TSC2: variants seen among roughly 807,000 people sequenced by gnomAD.
TSC2 encodes TSC complex subunit 2, also known as tuberin.
In TSC2, 29 loss-of-function variants were observed where a neutral mutation model predicts 202.2. That is an observed-to-expected ratio of 0.14 (90% CI 0.11 to 0.20). The LOEUF (loss-of-function observed/expected upper bound fraction) is 0.20, where lower values mean the gene tolerates loss of function less well. TSC2 is among the 10% of genes least tolerant of loss of function. The pLI, the probability that TSC2 is intolerant of heterozygous loss-of-function variation, is 1.00. For missense variants in TSC2, 2,429 were observed against 2,420.0 expected (o/e 1.00, Z -0.08); for synonymous variants, 1,349 against 1,044.0 (o/e 1.29, Z -5.63).
Position 2,060,652 on chromosome 16 carries a change from G to A in TSC2, c.976-18G>A, listed in dbSNP as rs2151133746. 1 of 1,613,910 alleles carries A rather than the reference G, an allele frequency of 6.2e-7. No individual in the cohort carries two copies. Among genetic ancestry groups the A allele is most frequent in the Non-Finnish European group, 8.5e-7 (1 of 1,179,984 alleles). On this transcript the variant is annotated intron_variant, in intron 10 of 41. Transcript: ENST00000219476. The stretch of plus-strand genomic sequence containing the variant: ...CAAGCAGCTCTGACCCTGTGTGCTG[G>A]CCGGGCTCGTGTTCCAGGCCATGGC...
At chr16:2,087,976 G>C in intron 39 of TSC2, 35 bp downstream of exon 39, 1 of 1,608,802 alleles carries the variant, frequency 6.2e-7, no homozygotes, top group Non-Finnish European at 8.5e-7. Context: ...TGCAGGAAAG[G>C]TAGGGCCGGG....
At chr16:2,083,586 C>G (rs768045013) in intron 32 of TSC2, 109 bp from the exon 33 acceptor site, 1 of 1,529,026 alleles carries the variant, frequency 6.5e-7, no homozygotes, top group Non-Finnish European at 8.8e-7. Flanking sequence ...TGGGGAGGCT[C>G]GCAGGGCTGC....
In TSC2 at chr16:2,055,203, G is replaced by A. The variant is rs961928879; in HGVS notation, c.482-199G>A. 5 of 653,880 alleles carry A rather than the reference G, an allele frequency of 7.6e-6. No homozygotes were observed. In the South Asian group the frequency reaches 8.4e-5, roughly 11 times the overall value. 40.5% of individuals were successfully genotyped at this position (653,880 alleles called of 1,614,324 possible). On this transcript the variant is annotated intron_variant, in intron 5 of 41. Transcript: ENST00000219476. ...AGCCCCAGGGGCGGTAGATCCTAGT[G>A]TCCGTGCGTAGCCGGCCTGCCCTGG...
In TSC2 at chr16:2,076,093, G is replaced by T; in HGVS notation, c.2665G>T (p.Ala889Ser). The T allele has an allele frequency of 6.2e-7, 1 of 1,613,956 alleles. No individual in the cohort carries two copies. The highest frequency in any genetic ancestry group is 8.5e-7 in the Non-Finnish European group (1 of 1,180,052). Residue 889 changes from alanine to serine, a missense_variant, in exon 24 of 42, where the codon GCC becomes TCC. Transcript: ENST00000219476. ...GTTTAATCAGTACATCGTGTGTCTG[G>T]CCCATCACGTCATAGCCATGTGGTT... is the stretch of plus-strand genomic sequence containing the variant. ...SKFNQYIVCLAHHVIAMWFIR... is the reference protein window; with the variant it reads ...SKFNQYIVCLSHHVIAMWFIR...
chr16:2,082,253 G>C, intron 31 of TSC2, 183 bp from the exon 32 acceptor site: 2 of 678,658 alleles, frequency 2.9e-6, no homozygotes, highest in Admixed American at 4.6e-5. Context: ...ACGGGAGGAG[G>C]GAGGCACTGC....
chr16:2,054,497 G>A (rs988743245), intron 5 of TSC2, 57 bp downstream of exon 5: 15 of 1,611,334 alleles, frequency 9.3e-6, no homozygotes, highest in Non-Finnish European at 1.2e-5. Flanking sequence ...GTGTAACCTG[G>A]ATGGGAAGGA....
At chr16:2,068,407 G>A (rs2087706586) in intron 16 of TSC2, among the ~76,000 whole-genome samples, 2 of 152,284 alleles carry the variant, frequency 1.3e-5, no homozygotes, top group Non-Finnish European at 2.9e-5. Context: ...GGGGCTGGGA[G>A]TGCCAGCCCC....
chr16:2,074,558 C>T (rs1374461024), intron 22 of TSC2, 169 bp downstream of exon 22: 4 of 830,734 alleles, frequency 4.8e-6, no homozygotes, highest in Admixed American at 4.1e-5. Flanking sequence ...GCTCTCCTTC[C>T]TGGCTTTGAG....
intron 38 of TSC2, 78 bp downstream of exon 38, chr16:2,086,949 C>T: frequency 1.3e-6 from 2 of 1,541,062 alleles, no homozygotes; most frequent in Non-Finnish European, 1.7e-6. Flanking sequence ...GCAGGTCCTC[C>T]TCCCTGAGCT....
intron 22 of TSC2, among the ~76,000 whole-genome samples, 171 bp from the exon 23 acceptor site, chr16:2,075,628 T>C (rs112871144): frequency 5.1e-4 from 78 of 151,742 alleles, no homozygotes; most frequent in African/African-American, 1.7e-3. Context: ...TGTGGTTGGC[T>C]GGCCATGGGA....
At chr16:2,073,436 C>A (rs545398956) in intron 21 of TSC2, among the ~76,000 whole-genome samples, 1 of 152,386 alleles carries the variant, frequency 6.6e-6, no homozygotes, top group South Asian at 2.1e-4. Flanking sequence ...TCTTCCACAC[C>A]TCTCTTTGAC....
Position 2,056,202 on chromosome 16 carries a change from C to A in TSC2, c.606C>A (p.Ile202=). 6.2e-7 allele frequency: 1 copy of A among 1,614,012 alleles called. No homozygotes were observed. The highest frequency in any genetic ancestry group is 8.5e-7 in the Non-Finnish European group (1 of 1,180,044). Residue 202 remains isoleucine (I), a synonymous_variant, in exon 7 of 42, where the codon ATC becomes ATA. Transcript: ENST00000219476. ...AGCTCGGTGCTCCCTGCAGGATGAT[C>A]TGTCTGCTGTGCGTCCGGACCGCGT... The part of the protein sequence containing the change: ...DEYIARMVQM[I]CLLCVRTASS...
chr16:2,073,088 A>G, intron 21 of TSC2, 105 bp downstream of exon 21: 2 of 1,553,586 alleles, frequency 1.3e-6, no homozygotes, highest in Non-Finnish European at 1.7e-6. Flanking sequence ...CTGCCAGGCC[A>G]GGGATGAGTG....
In TSC2 at chr16:2,056,646, C is replaced by G. The variant is rs780004703; in HGVS notation, c.651C>G (p.Val217=). Residue 217 remains valine (V), a splice_region_variant and synonymous_variant, in exon 8 of 42, where the codon GTC becomes GTG. Coordinates refer to ENST00000219476, the MANE Select transcript of TSC2 (RefSeq NM_000548.5). ...VRTASSVDIE[V]SLQVLDAVVC... is the part of the protein sequence containing the mutation. The stretch of plus-strand genomic sequence containing the variant: ...TGAGCCGTCTCCCTCTCCACCAGGT[C>G]TCCCTGCAGGTGCTGGACGCCGTGG... The G allele has an allele frequency of 1.4e-5, 23 of 1,610,526 alleles. No individual in the cohort carries two copies. The highest frequency in any genetic ancestry group is 1.8e-5 in the Non-Finnish European group (21 of 1,179,990).
intron 10 of TSC2, among the ~76,000 whole-genome samples, chr16:2,059,509 G>GT (rs34881847): frequency 0.46 from 29,045 of 63,482 alleles, 8,918 homozygotes; most frequent in East Asian, 0.66. Flanking sequence ...CTGGCTAATG[G>GT]TTTTTTTTTT....
At chr16:2,053,657 A>G (rs1201612590) in intron 4 of TSC2, 3 of 683,114 alleles carry the variant, frequency 4.4e-6, no homozygotes, top group Admixed American at 4.1e-5. Flanking sequence ...CTCGCCTGTA[A>G]ACAGATGGTC....
Position 2,070,444 on chromosome 16 carries a change from C to G in TSC2, c.1717-12C>G, listed in dbSNP as rs2151277263. The G allele has an allele frequency of 6.2e-7, 1 of 1,613,296 alleles. No homozygotes were observed. Among genetic ancestry groups the G allele is most frequent in the Admixed American group, 1.7e-5 (1 of 60,024 alleles). On this transcript the variant is annotated splice_polypyrimidine_tract_variant and intron_variant, in intron 16 of 41. Coordinates refer to ENST00000219476, the MANE Select transcript of TSC2 (RefSeq NM_000548.5). ...CTCCTGCGCCGTGGTGAGCTGCGTC[C>G]TCTCTCTGCAGACCAAGCTGTACAC...
chr16:2,065,634 A>G lies in TSC2; in HGVS notation c.1715A>G (p.Gln572Arg), dbSNP rs1596317664. ...TAVLGLLVIL[Q>R]TKLYTLPASH... ...GTCCTGGGGCTTCTGGTCATCCTTC[A>G]GGTGGGTGTTCTGCACGAGGCCTCT... The change falls in exon 16 of 42, where the codon CAG becomes CGG. Residue 572 changes from glutamine to arginine, a missense_variant and splice_region_variant. By Grantham distance (43) the Gln-to-Arg change is conservative. Transcript: ENST00000219476. 1 of 1,613,280 alleles carries G rather than the reference A, an allele frequency of 6.2e-7. No individual in the cohort carries two copies. The highest frequency in any genetic ancestry group is 1.3e-5 in the African/African-American group (1 of 74,890).
rs1476279884 is a variant in TSC2, at chr16:2,062,505, C to A, written c.1266C>A (p.Ser422=). The part of the protein sequence containing the change: ...ERCADQRPES[S]LLNLISYRAQ... Reference sequence around the variant, plus strand: ...GGCTCTTCTTTTGACAGGAGTCCTCCCTCCTGAACCTGATCTCCTATAGAG... The same window carrying A: ...GGCTCTTCTTTTGACAGGAGTCCTCACTCCTGAACCTGATCTCCTATAGAG... Residue 422 remains serine (S), a synonymous_variant, in exon 13 of 42, where the codon TCC becomes TCA. Transcript: ENST00000219476. The A allele has an allele frequency of 6.2e-7, 1 of 1,610,080 alleles. No homozygotes were observed. The highest frequency in any genetic ancestry group is 8.5e-7 in the Non-Finnish European group (1 of 1,178,148).
Sources: allele counts gnomAD v4.1 joint callset (sites outside exome capture counted in the v4.1 genomes callset), GRCh38; gene constraint gnomAD v4.1.1; transcripts MANE v1.5; gene names NCBI Gene and HGNC (gene_info 2026-07-23, HGNC 2026-07-21).